The following AKR1D1 variants were observed in gnomAD, a reference collection of about 807,000 sequenced individuals.
AKR1D1 encodes aldo-keto reductase family 1 member D1.
AKR1D1 carries 32 observed loss-of-function variants against 42.6 expected under a neutral mutation model. The observed-to-expected ratio is 0.75, with a 90% CI of 0.57 to 1.01. The LOEUF is 1.01. AKR1D1 is among the 50% of genes least tolerant of loss of function. The pLI, the probability that AKR1D1 is intolerant of heterozygous loss-of-function variation, is 0.00. For synonymous variants in AKR1D1, 123 were observed against 135.5 expected (o/e 0.91, Z 0.64); for missense variants, 364 against 402.2 (o/e 0.91, Z 0.81).
intron 8 of AKR1D1, among the ~76,000 whole-genome samples, chr7:138,114,349 C>G (rs1177076571): frequency 6.6e-6 from 1 of 152,164 alleles, no homozygotes; most frequent in East Asian, 1.9e-4. Flanking sequence ...TCTTTATTCT[C>G]TAAATATTAC....
intron 8 of AKR1D1, among the ~76,000 whole-genome samples, chr7:138,115,279 C>CA (rs1188306707): frequency 1.3e-5 from 2 of 152,098 alleles, no homozygotes; most frequent in East Asian, 1.9e-4. Context: ...CCTATCTCTA[C>CA]AAAAAATTTA....
intron 1 of AKR1D1, among the ~76,000 whole-genome samples, chr7:138,085,446 CTTTTT>C (rs67935838): frequency 3.1e-5 from 4 of 129,800 alleles, no homozygotes; most frequent in Admixed American, 8.2e-5. Flanking sequence ...CTTTTCTTTC[CTTTTT>C]TTTTTTTTTT....
intron 5 of AKR1D1, 67 bp downstream of exon 5, chr7:138,105,496 C>T: frequency 6.2e-7 from 1 of 1,605,010 alleles, no homozygotes; most frequent in Non-Finnish European, 8.5e-7. Flanking sequence ...ACAAAGAAGC[C>T]TCAGCTGGGA....
intron 1 of AKR1D1, among the ~76,000 whole-genome samples, chr7:138,078,137 T>C (rs1271536757): frequency 1.3e-5 from 2 of 152,168 alleles, no homozygotes; most frequent in Non-Finnish European, 2.9e-5. Context: ...AATTTTTGTA[T>C]TTTTTGTAGA....
intron 2 of AKR1D1, chr7:138,091,256 A>G (rs550410370): frequency 1.2e-5 from 2 of 172,946 alleles, no homozygotes; most frequent in East Asian, 1.5e-4. Flanking sequence ...TGGCTGTAAC[A>G]TATGTCACCC....
chr7:138,077,122 C>T (rs543368885), intron 1 of AKR1D1, among the ~76,000 whole-genome samples: 10 of 152,254 alleles, frequency 6.6e-5, no homozygotes, highest in African/African-American at 2.2e-4. Context: ...AGGATCAATG[C>T]TATTCTAGAA....
In AKR1D1 at chr7:138,076,461, CT is replaced by C. The variant is rs1554387681; in HGVS notation, c.-55del. 4 of 1,449,828 alleles carry C rather than the reference CT, an allele frequency of 2.8e-6. No homozygotes were observed. Among genetic ancestry groups the C allele is most frequent in the Admixed American group, 1.7e-5 (1 of 59,140 alleles). The allele number at this position is 1,449,828 out of a possible 1,614,324, so 89.8% of individuals were successfully genotyped here. A position where few individuals can be genotyped will look rare whatever the true frequency, so the allele number is the denominator to read the frequency against. On this transcript the variant is annotated 5_prime_UTR_variant, in exon 1 of 9. Coordinates refer to ENST00000242375, the MANE Select transcript of AKR1D1 (RefSeq NM_005989.4). ...TTTGATGGAATAGGCCCTAGGACAC[CT>C]TTCTAAAAAGACTCCCTGTGGTGTT...
chr7:138,107,179 A>C, intron 6 of AKR1D1: 2 of 668,804 alleles, frequency 3.0e-6, no homozygotes, highest in Non-Finnish European at 5.5e-6. Context: ...TCATCAAAAA[A>C]TATTATTTAC....
chr7:138,091,263 A>G (rs1420092078), intron 2 of AKR1D1: 1 of 174,544 alleles, frequency 5.7e-6, no homozygotes, highest in African/African-American at 2.4e-5. Context: ...AACATATGTC[A>G]CCCCATTAGT....
At position 138,113,655 on chromosome 7, in the gene AKR1D1, C is replaced by A. The variant is rs772220040; in HGVS notation, c.856-35C>A. The A allele has an allele frequency of 5.7e-6, 9 of 1,588,996 alleles. No individual in the cohort carries two copies. The East Asian group carries it at 2.0e-4, about 36-fold the overall frequency. ...CCCCACTTTCTGATCCCAAGCTTGA[C>A]CTTCAAAAATGTTCTATTATTTCCG... On this transcript the variant is annotated intron_variant, in intron 7 of 8. Transcript: ENST00000242375.
chr7:138,115,361 G>C (rs1363319337), intron 8 of AKR1D1, among the ~76,000 whole-genome samples: 1 of 152,108 alleles, frequency 6.6e-6, no homozygotes, highest in Non-Finnish European at 1.5e-5. Context: ...AGGATCACTT[G>C]GACCCCAGAC....
intron 2 of AKR1D1, among the ~76,000 whole-genome samples, chr7:138,089,429 G>A (rs1186511210): frequency 2.0e-5 from 3 of 147,332 alleles, no homozygotes; most frequent in East Asian, 2.0e-4. Flanking sequence ...GCAAACAAAC[G>A]TAAATTAAAA....
intron 8 of AKR1D1, 122 bp downstream of exon 8, chr7:138,113,894 G>A (rs922021944): frequency 3.8e-5 from 32 of 842,462 alleles, no homozygotes; most frequent in African/African-American, 2.2e-4. Context: ...ATGGTGGGCC[G>A]CATATTCTGA....
chr7:138,092,339 C>T (rs1263653232), intron 3 of AKR1D1, among the ~76,000 whole-genome samples: 1 of 152,176 alleles, frequency 6.6e-6, no homozygotes, highest in Non-Finnish European at 1.5e-5. Context: ...CAATCTCCGC[C>T]CTCATCCTCA....
intron 3 of AKR1D1, among the ~76,000 whole-genome samples, chr7:138,092,092 T>C (rs1184289511): frequency 6.6e-6 from 1 of 152,252 alleles, no homozygotes; most frequent in Non-Finnish European, 1.5e-5. Context: ...CAGAATATTG[T>C]GGTGTTTTGT....
chr7:138,095,812 C>T (rs986855211), intron 3 of AKR1D1, among the ~76,000 whole-genome samples: 1 of 151,488 alleles, frequency 6.6e-6, no homozygotes, highest in Non-Finnish European at 1.5e-5. Flanking sequence ...AGGTGTGAGC[C>T]ACTGCGCCTG....
intron 1 of AKR1D1, 33 bp from the exon 2 acceptor site, chr7:138,088,568 T>C: frequency 6.2e-7 from 1 of 1,612,648 alleles, no homozygotes; most frequent in East Asian, 2.2e-5. Context: ...ACCATTTCTC[T>C]TTTCCCCAAA....
intron 5 of AKR1D1, among the ~76,000 whole-genome samples, 183 bp downstream of exon 5, chr7:138,105,612 T>C (rs1477591948): frequency 6.6e-6 from 1 of 152,118 alleles, no homozygotes; most frequent in African/African-American, 2.4e-5. Flanking sequence ...ACTTGGGGCC[T>C]GGTGCGGTGG....
intron 4 of AKR1D1, among the ~76,000 whole-genome samples, chr7:138,100,996 G>A (rs900232368): frequency 8.6e-5 from 13 of 151,980 alleles, no homozygotes; most frequent in South Asian, 6.2e-4. Flanking sequence ...GAGCCAACGC[G>A]CCCGGCCTAT....
Sources: allele counts gnomAD v4.1 joint callset (sites outside exome capture counted in the v4.1 genomes callset), GRCh38; gene constraint gnomAD v4.1.1; transcripts MANE v1.5; gene names NCBI Gene and HGNC (gene_info 2026-07-23, HGNC 2026-07-21).